The following EHD4 variants were observed in gnomAD, a reference collection of about 807,000 sequenced individuals.
The protein encoded by EHD4 is EH domain containing 4.
A neutral mutation model predicts 51.0 loss-of-function variants in EHD4; 37 were observed. The ratio of observed to expected loss-of-function variants is 0.73; its 90% confidence interval spans 0.56 to 0.95. The LOEUF is 0.95. Ranked by LOEUF, EHD4 falls within the 40% of genes least tolerant of loss-of-function variation. EHD4 has a pLI of 0.00. For missense variants in EHD4, 632 were observed against 733.1 expected (o/e 0.86, Z 1.59); for synonymous variants, 297 against 317.3 (o/e 0.94, Z 0.68).
At chr15:41,958,643 G>A (rs143468087) in intron 1 of EHD4, among the ~76,000 whole-genome samples, 36 of 152,170 alleles carry the variant, frequency 2.4e-4, no homozygotes, top group African/African-American at 8.4e-4. Context: ...TCTTCTCAAC[G>A]ATGAGCTTAA....
chr15:41,966,343 C>T (rs1162763740), intron 1 of EHD4, among the ~76,000 whole-genome samples: 2 of 152,150 alleles, frequency 1.3e-5, no homozygotes, highest in Non-Finnish European at 2.9e-5. Context: ...ACACTACTGA[C>T]CACCACCTCT....
At chr15:41,953,737 C>T (rs549739179) in intron 2 of EHD4, 27 bp downstream of exon 2, 18 of 1,566,342 alleles carry the variant, frequency 1.1e-5, no homozygotes, top group African/African-American at 6.9e-5. Flanking sequence ...ACAGCCTGAC[C>T]GAAGATGGCA....
intron 3 of EHD4, chr15:41,942,352 C>T (rs962801495): frequency 3.3e-5 from 5 of 152,018 alleles, no homozygotes; most frequent in African/African-American, 1.2e-4. Context: ...AGGTTCAGCT[C>T]TCGTGCCTCA....
chr15:41,910,942 G>C (rs191850423), intron 4 of EHD4, among the ~76,000 whole-genome samples: 2 of 152,318 alleles, frequency 1.3e-5, no homozygotes, highest in Admixed American at 1.3e-4. Context: ...ATGAAAAACA[G>C]AGTGGTGATT....
intron 4 of EHD4, among the ~76,000 whole-genome samples, chr15:41,914,543 AC>A (rs1370912166): frequency 2.0e-5 from 3 of 152,086 alleles, no homozygotes; most frequent in African/African-American, 4.8e-5. Context: ...CTTAAAGGGG[AC>A]CGGAGGGGGC....
chr15:41,917,028 G>A (rs557776677), intron 4 of EHD4, among the ~76,000 whole-genome samples: 2 of 152,350 alleles, frequency 1.3e-5, no homozygotes, highest in Admixed American at 6.5e-5. Context: ...CAGAGGGCCC[G>A]AGGCTCAAGG....
chr15:41,909,642 C>A (rs2067535413), intron 5 of EHD4, 57 bp downstream of exon 5: 1 of 1,596,276 alleles, frequency 6.3e-7, no homozygotes, highest in Non-Finnish European at 8.6e-7. Context: ...AACAGCCAGA[C>A]AATGTGGCAC....
In EHD4 at chr15:41,963,260, C is replaced by G. The variant is rs1384979400; in HGVS notation, c.236+8999G>C. Among the ~76,000 whole-genome samples the G allele has an allele frequency of 3.3e-5, 5 of 151,398 alleles. No individual in the cohort carries two copies. In the East Asian group the frequency reaches 5.8e-4, roughly 18 times the overall value. On this transcript the variant is annotated intron_variant, in intron 1 of 5. Coordinates refer to ENST00000220325, the MANE Select transcript of EHD4 (RefSeq NM_139265.4). ...TGTCCTATGACCCTGCCAAATCCCC[C>G]CCTCGGAGAAACACCCAAGAATGAT... is the stretch of plus-strand genomic sequence containing the variant.
intron 3 of EHD4, among the ~76,000 whole-genome samples, chr15:41,923,095 T>C (rs139079089): frequency 2.0e-4 from 31 of 152,316 alleles, no homozygotes; most frequent in African/African-American, 6.5e-4. Context: ...ATAAGTCACA[T>C]TGTCGTACAA....
At chr15:41,937,634 G>T (rs1378958633) in intron 3 of EHD4, among the ~76,000 whole-genome samples, 1 of 152,220 alleles carries the variant, frequency 6.6e-6, no homozygotes, top group Non-Finnish European at 1.5e-5. Flanking sequence ...TGTTACCAAA[G>T]CCTGAGAGGG....
chr15:41,911,833 G>T (rs1266118832), intron 4 of EHD4, among the ~76,000 whole-genome samples: 1 of 152,104 alleles, frequency 6.6e-6, no homozygotes, highest in Non-Finnish European at 1.5e-5. Context: ...GGCTTCCCAA[G>T]AGCCCTCACC....
At chr15:41,913,520 G>A (rs34051765) in intron 4 of EHD4, among the ~76,000 whole-genome samples, 14,768 of 152,170 alleles carry the variant, frequency 0.097, 819 homozygotes, top group South Asian at 0.15. Flanking sequence ...CCACCTCAGC[G>A]TGCTCATCCA....
intron 2 of EHD4, among the ~76,000 whole-genome samples, chr15:41,950,689 C>T (rs910985575): frequency 2.8e-4 from 42 of 152,270 alleles, no homozygotes; most frequent in African/African-American, 9.6e-4. Flanking sequence ...GTCCCTTACA[C>T]GTGAGCCTGA....
intron 3 of EHD4, among the ~76,000 whole-genome samples, chr15:41,923,527 A>C (rs762695202): frequency 1.3e-5 from 2 of 152,172 alleles, no homozygotes; most frequent in Non-Finnish European, 2.9e-5. Context: ...GGGGCTTGCT[A>C]AAGTTTAGAC....
At chr15:41,909,901 G>C (rs2067537721) in intron 4 of EHD4, 38 bp from the exon 5 acceptor site, 2 of 1,611,268 alleles carry the variant, frequency 1.2e-6, no homozygotes, top group East Asian at 4.5e-5. Flanking sequence ...GTGTCATTTA[G>C]AATTGCATCA....
At chr15:41,966,876 C>T (rs989819095) in intron 1 of EHD4, among the ~76,000 whole-genome samples, 3 of 152,190 alleles carry the variant, frequency 2.0e-5, no homozygotes, top group Admixed American at 1.3e-4. Context: ...GTACTTTCCC[C>T]GGAGGGTCTC....
At chr15:41,936,484 G>A (rs1426088594) in intron 3 of EHD4, among the ~76,000 whole-genome samples, 1 of 152,156 alleles carries the variant, frequency 6.6e-6, no homozygotes, top group African/African-American at 2.4e-5. Context: ...AGAGTAAGGA[G>A]CAAATGTTTT....
At position 41,909,663 on chromosome 15, in the gene EHD4, C is replaced by T. The variant is rs376398672; in HGVS notation, c.1089+36G>A. On this transcript the variant is annotated intron_variant, in intron 5 of 5. Transcript: ENST00000220325. The stretch of plus-strand genomic sequence containing the variant: ...CAGACAATGTGGCACTGCACCTCTG[C>T]CCTCTGCCCGTGACATTGTAGTGGG... 4.3e-6 allele frequency: 7 copies of T among 1,611,730 alleles called. No individual in the cohort carries two copies. In the African/African-American group the frequency reaches 8.0e-5, roughly 18 times the overall value.
At chr15:41,942,805 G>T in intron 3 of EHD4, 1 of 368,750 alleles carries the variant, frequency 2.7e-6, no homozygotes, top group Non-Finnish European at 5.2e-6. Context: ...CTCACACCTC[G>T]ATACCTCCCA....
Sources: gnomAD v4.1 joint callset for allele counts (sites outside exome capture counted in the v4.1 genomes callset) on GRCh38, gnomAD v4.1.1 for gene constraint, MANE v1.5 for transcripts, NCBI Gene and HGNC (gene_info 2026-07-23, HGNC 2026-07-21) for gene names.